Variants in WDR20 observed in about 807,000 individuals in gnomAD.
WDR20 encodes WD repeat-containing protein 20.
In WDR20, 3 loss-of-function variants were observed where a neutral mutation model predicts 38.7. That is an observed-to-expected ratio of 0.08 (90% CI 0.04 to 0.20). WDR20 has a LOEUF of 0.20. WDR20 is among the 10% of genes least tolerant of loss of function. The pLI is 1.00. For missense variants in WDR20, 559 were observed against 727.7 expected (o/e 0.77, Z 2.67); for synonymous variants, 298 against 285.6 (o/e 1.04, Z -0.44).
At chr14:102,224,037 A>ATTTTT (rs533802492), downstream of WDR20, among the ~76,000 whole-genome samples, 86 of 123,128 alleles carry the variant, frequency 7.0e-4, no homozygotes, top group African/African-American at 2.3e-3. Context: ...TTTACCTGAG[A>ATTTTT]TTTTTTTTTT....
At chr14:102,204,916 A>G (rs544856371) in intron 2 of WDR20, among the ~76,000 whole-genome samples, 13 of 152,196 alleles carry the variant, frequency 8.5e-5, no homozygotes, top group Non-Finnish European at 1.8e-4. Flanking sequence ...GAAAAGAATG[A>G]GGATGCTGTC....
At chr14:102,140,681 A>T (rs2050671392) in intron 1 of WDR20, among the ~76,000 whole-genome samples, 1 of 152,184 alleles carries the variant, frequency 6.6e-6, no homozygotes, top group Non-Finnish European at 1.5e-5. Flanking sequence ...CTCGGCACGC[A>T]GGGCTACTCC....
At chr14:102,198,897 A>G (rs750312712) in intron 2 of WDR20, among the ~76,000 whole-genome samples, 9 of 152,178 alleles carry the variant, frequency 5.9e-5, no homozygotes, top group Non-Finnish European at 1.3e-4. Context: ...TGTACTTGCT[A>G]AGTTCGAGAG....
chr14:102,158,822 C>G (rs774873301), intron 1 of WDR20, among the ~76,000 whole-genome samples: 7 of 152,122 alleles, frequency 4.6e-5, no homozygotes, highest in Non-Finnish European at 8.8e-5. Flanking sequence ...CTCCCCGACT[C>G]GTTCGCTAAA....
chr14:102,197,585 G>C (rs186370798), intron 2 of WDR20, among the ~76,000 whole-genome samples: 1 of 152,312 alleles, frequency 6.6e-6, no homozygotes, highest in East Asian at 1.9e-4. Flanking sequence ...ACATCACAGT[G>C]TGGGACTTGG....
At chr14:102,143,764 C>T (rs1471835632) in intron 1 of WDR20, among the ~76,000 whole-genome samples, 1 of 151,862 alleles carries the variant, frequency 6.6e-6, no homozygotes, top group Non-Finnish European at 1.5e-5. Context: ...AGGCTGGTCT[C>T]GAACTCCTGA....
chr14:102,219,580 C>T (rs2153061903), downstream of WDR20, among the ~76,000 whole-genome samples: 1 of 152,316 alleles, frequency 6.6e-6, no homozygotes, highest in South Asian at 2.1e-4. Flanking sequence ...GTTAACTCCT[C>T]TTAGAGACCA....
At position 102,140,010 on chromosome 14, in the gene WDR20, C is replaced by G. The variant is rs761770982; in HGVS notation, c.87C>G (p.His29Gln). The change falls in exon 1 of 3, where the codon CAC (histidine) becomes CAG (glutamine). Residue 29 changes from histidine (H) to glutamine (Q), a missense_variant. Transcript: ENST00000342702. ...TREGLYKLLP[H>Q]SEYSRPNRVP... ...AAGGTCTGTACAAGCTGCTGCCGCACTCGGAGTACAGCCGGCCCAACCGGG... is the reference window on the plus strand; with the variant it reads ...AAGGTCTGTACAAGCTGCTGCCGCAGTCGGAGTACAGCCGGCCCAACCGGG... 9 of 1,614,142 alleles carry G rather than the reference C, an allele frequency of 5.6e-6. No individual in the cohort carries two copies. The South Asian group carries it at 9.9e-5, about 18-fold the overall frequency.
downstream of WDR20, chr14:102,214,315 A>G: frequency 1.1e-5 from 11 of 985,450 alleles, no homozygotes; most frequent in Non-Finnish European, 1.3e-5. Flanking sequence ...TTAAGTTAAC[A>G]AGGTGCACAT....
Position 102,209,393 on chromosome 14 carries a change from GTCC to G in WDR20, c.1228_1230del (p.Pro410del). ...CACACAAATGTCATGAATGCCACGA[GTCC>G]TCCTGCTGGAAGCAATGGGAACAGT... On this transcript the variant is annotated inframe_deletion, in exon 3 of 3. Coordinates refer to ENST00000342702, the MANE Select transcript of WDR20 (RefSeq NM_144574.4). This position sits in a 1 kb window ranked among gnomAD's most constrained non-coding sequence, Gnocchi z 6.0. 1 of 1,614,162 alleles carries G rather than the reference GTCC, an allele frequency of 6.2e-7. No homozygotes were observed. The highest frequency in any genetic ancestry group is 1.6e-4 in the Middle Eastern group (1 of 6,062).
intron 1 of WDR20, among the ~76,000 whole-genome samples, chr14:102,147,158 G>T (rs2053925830): frequency 6.6e-6 from 1 of 152,192 alleles, no homozygotes; most frequent in Non-Finnish European, 1.5e-5. Context: ...ACTTTGGGAG[G>T]CTGAGGCGGG....
At position 102,187,941 on chromosome 14, in the gene WDR20, A is replaced by G. The variant is rs1231759075; in HGVS notation, c.250-6997A>G. Among the ~76,000 whole-genome samples the G allele has an allele frequency of 5.3e-5, 8 of 152,276 alleles. No individual in the cohort carries two copies. The East Asian group carries it at 1.5e-3, about 29-fold the overall frequency. On this transcript the variant is annotated intron_variant, in intron 1 of 2. Coordinates refer to ENST00000342702, the MANE Select transcript of WDR20 (RefSeq NM_144574.4). Reference sequence around the variant, plus strand: ...AGTTTCTGGTCTGCCTGCATTAGGCACTTGGTAGCTGTTAGCTATGCCAGT... The same window carrying G: ...AGTTTCTGGTCTGCCTGCATTAGGCGCTTGGTAGCTGTTAGCTATGCCAGT...
At chr14:102,165,820 A>G (rs1306355971) in intron 1 of WDR20, among the ~76,000 whole-genome samples, 1 of 150,592 alleles carries the variant, frequency 6.6e-6, no homozygotes, top group East Asian at 1.9e-4. Flanking sequence ...ATTTTTTTTT[A>G]GTAGAGACAG....
intron 1 of WDR20, among the ~76,000 whole-genome samples, chr14:102,168,418 C>G (rs993864198): frequency 1.4e-5 from 2 of 147,688 alleles, no homozygotes; most frequent in Non-Finnish European, 3.0e-5. Flanking sequence ...ACCTGTCAGT[C>G]TTTTTTTTTT....
At chr14:102,170,684 A>G (rs974751017) in intron 1 of WDR20, among the ~76,000 whole-genome samples, 1 of 151,672 alleles carries the variant, frequency 6.6e-6, no homozygotes, top group African/African-American at 2.4e-5. Context: ...TTTAATTTTT[A>G]AATTTTTTTA....
At chr14:102,198,274 C>T in intron 2 of WDR20, 2 of 341,714 alleles carry the variant, frequency 5.9e-6, no homozygotes, top group Non-Finnish European at 1.2e-5. Context: ...GATTATAGGC[C>T]ACCTGACTAA....
At chr14:102,223,246 A>T (rs2064113868) in exon 4 of WDR20, 1 of 154,888 alleles carries the variant, frequency 6.5e-6, no homozygotes, top group East Asian at 1.9e-4. Flanking sequence ...TTCAGCTGTT[A>T]TAGTGCTTCA....
intron 1 of WDR20, 130 bp downstream of exon 1, chr14:102,140,302 C>A: frequency 7.1e-7 from 1 of 1,402,854 alleles, no homozygotes; most frequent in South Asian, 1.3e-5. Flanking sequence ...CCGGTAACTC[C>A]ACTGGGGTAC....
chr14:102,209,346 A>G lies in WDR20; in HGVS notation c.1176A>G (p.Gln392=), dbSNP rs758496752. The change falls in exon 3 of 3, where the codon CAA becomes CAG. Residue 392 remains glutamine (Q), a synonymous_variant. Transcript: ENST00000342702. The surrounding 1 kb of genome is among the most constrained non-coding windows in gnomAD (Gnocchi z 6.0). The part of the protein sequence containing the change: ...DLTEDILFPH[Q]PLSRARTHTN... ...CAGAAGATATCCTTTTCCCTCACCA[A>G]CCCCTCTCAAGAGCAAGGACACACA... The G allele has an allele frequency of 7.4e-6, 12 of 1,613,688 alleles. No homozygotes were observed. In the African/African-American group the frequency reaches 1.5e-4, roughly 20 times the overall value.
Sources: allele counts gnomAD v4.1 joint callset (sites outside exome capture counted in the v4.1 genomes callset), GRCh38; gene constraint gnomAD v4.1.1; non-coding constraint Gnocchi (gnomAD v3.1); transcripts MANE v1.5; gene names NCBI Gene and HGNC (gene_info 2026-07-23, HGNC 2026-07-21).